SFMBT2: variants seen among roughly 807,000 people sequenced by gnomAD.
SFMBT2 encodes the protein scm-like with four MBT domains protein 2.
SFMBT2 carries 38 observed loss-of-function variants against 110.1 expected under a neutral mutation model. That is an observed-to-expected ratio of 0.35 (90% CI 0.27 to 0.45). The LOEUF (loss-of-function observed/expected upper bound fraction) is 0.45. Among genes scored for constraint, SFMBT2 ranks in the 20% least tolerant of loss-of-function variants. The probability of loss-of-function intolerance (pLI) is 1.00; values close to 1 mark genes in which losing one functional copy is unlikely to be tolerated. For synonymous variants in SFMBT2, 425 were observed against 425.4 expected (o/e 1.00, Z 0.01); for missense variants, 1,011 against 1,094.9 (o/e 0.92, Z 1.08).
At chr10:7,354,073 C>T (rs968965555) in intron 4 of SFMBT2, among the ~76,000 whole-genome samples, 5 of 145,670 alleles carry the variant, frequency 3.4e-5, no homozygotes, top group South Asian at 2.1e-4. Context: ...GGTGACAGAG[C>T]GAGACTCCCT....
At chr10:7,164,681 T>C (rs1314688529) in intron 20 of SFMBT2, among the ~76,000 whole-genome samples, 1 of 151,122 alleles carries the variant, frequency 6.6e-6, no homozygotes, top group East Asian at 2.0e-4. Flanking sequence ...CATTTCACCA[T>C]TAGGATGGGT....
At chr10:7,391,662 G>C (rs1422508671) in intron 1 of SFMBT2, among the ~76,000 whole-genome samples, 2 of 152,022 alleles carry the variant, frequency 1.3e-5, no homozygotes, top group South Asian at 2.1e-4. Context: ...ACATGCTCTT[G>C]GTAGAAATCT....
chr10:7,313,720 G>C (rs1047751801), intron 4 of SFMBT2, among the ~76,000 whole-genome samples: 1 of 152,158 alleles, frequency 6.6e-6, no homozygotes, highest in Admixed American at 6.5e-5. Context: ...CTTGGCTTGA[G>C]TGATCCTCTC....
At chr10:7,404,125 T>C (rs1030678110) in intron 1 of SFMBT2, among the ~76,000 whole-genome samples, 3 of 152,202 alleles carry the variant, frequency 2.0e-5, no homozygotes, top group Non-Finnish European at 2.9e-5. Context: ...TCTAAAAATA[T>C]TTTTAAAATA....
intron 4 of SFMBT2, among the ~76,000 whole-genome samples, chr10:7,326,817 T>G (rs910524650): frequency 1.3e-5 from 2 of 152,204 alleles, no homozygotes; most frequent in Non-Finnish European, 2.9e-5. Context: ...GTCAAGCCTT[T>G]GTTTCCTGGT....
chr10:7,284,033 T>C lies in SFMBT2; in HGVS notation c.643A>G (p.Arg215Gly). Residue 215 changes from arginine (R) to glycine (G), a missense_variant, in exon 6 of 21, where the codon AGA (arginine) becomes GGA (glycine). This residue lies in a region of SFMBT2 where 979 missense variants were observed against 1,016.1 expected (regional missense o/e 0.96). Coordinates refer to ENST00000397167, the MANE Select transcript of SFMBT2 (RefSeq NM_001387889.1). ...AATCCCACATAGCGAAGGCGTAATC[T>C]TCCTCCAACATTTTCAATCACACTA... ...IVSVIENVGG[R>G]LRLRYVGLED... 1 of 1,614,172 alleles carries C rather than the reference T, an allele frequency of 6.2e-7. No individual in the cohort carries two copies. Among genetic ancestry groups the C allele is most frequent in the Non-Finnish European group, 8.5e-7 (1 of 1,180,028 alleles).
chr10:7,325,116 C>T (rs1020157665), intron 4 of SFMBT2, among the ~76,000 whole-genome samples: 2 of 151,772 alleles, frequency 1.3e-5, no homozygotes, highest in African/African-American at 2.4e-5. Flanking sequence ...TACAGGTGCC[C>T]GCCACCACGT....
chr10:7,405,960 T>G (rs1364803180), intron 1 of SFMBT2, among the ~76,000 whole-genome samples: 1 of 151,868 alleles, frequency 6.6e-6, no homozygotes, highest in African/African-American at 2.4e-5. Context: ...TTTTTTTTTT[T>G]TAATTTGTAT....
chr10:7,314,895 GAGAA>G (rs1451924047), intron 4 of SFMBT2, among the ~76,000 whole-genome samples: 1 of 150,956 alleles, frequency 6.6e-6, no homozygotes, highest in African/African-American at 2.4e-5. Flanking sequence ...GCAACAGAGT[GAGAA>G]AGAGAGAAAG....
intron 4 of SFMBT2, among the ~76,000 whole-genome samples, chr10:7,365,932 T>C (rs1844882549): frequency 6.6e-6 from 1 of 152,184 alleles, no homozygotes; most frequent in Non-Finnish European, 1.5e-5. Context: ...ATCACTGAAC[T>C]GTACACTTTA....
intron 17 of SFMBT2, among the ~76,000 whole-genome samples, chr10:7,174,895 G>A (rs985596197): frequency 6.6e-5 from 10 of 152,260 alleles, no homozygotes; most frequent in African/African-American, 2.4e-4. Flanking sequence ...TGTGTGATCA[G>A]TGAGGGCACA....
chr10:7,284,245 T>A, intron 5 of SFMBT2, 95 bp from the exon 6 acceptor site: 2 of 1,534,572 alleles, frequency 1.3e-6, no homozygotes, highest in Non-Finnish European at 1.7e-6. Flanking sequence ...TTTCACACCA[T>A]CATCCAAGGT....
intron 1 of SFMBT2, among the ~76,000 whole-genome samples, chr10:7,387,187 T>C (rs902642752): frequency 7.9e-5 from 12 of 152,218 alleles, no homozygotes; most frequent in Non-Finnish European, 1.6e-4. Context: ...CTCCTAGGCA[T>C]GGAGCATTTT....
In SFMBT2 at chr10:7,367,610, G is replaced by A; in HGVS notation, c.436+39C>T. On this transcript the variant is annotated intron_variant, in intron 4 of 20. Transcript: ENST00000397167. This position sits in a 1 kb window ranked among gnomAD's most constrained non-coding sequence, Gnocchi z 6.2. ...CAAAATTACAGGCGTCATGAAGGAT[G>A]GCGGCTCGTAAATCGAAGCCTTTGA... 6.3e-7 allele frequency: 1 copy of A among 1,589,730 alleles called. No homozygotes were observed. The highest frequency in any genetic ancestry group is 8.6e-7 in the Non-Finnish European group (1 of 1,167,072).
chr10:7,204,314 G>A, intron 12 of SFMBT2: 1 of 983,624 alleles, frequency 1.0e-6, no homozygotes, highest in Non-Finnish European at 1.2e-6. Context: ...GCTATGCAAT[G>A]GAACTGTGTT....
chr10:7,334,410 C>G (rs1055441930), intron 4 of SFMBT2, among the ~76,000 whole-genome samples: 3 of 152,154 alleles, frequency 2.0e-5, no homozygotes, highest in Non-Finnish European at 4.4e-5. Context: ...TCACAGCTAA[C>G]GAAACCTCTT....
chr10:7,386,198 G>T (rs181320782), intron 1 of SFMBT2, among the ~76,000 whole-genome samples: 2 of 152,280 alleles, frequency 1.3e-5, no homozygotes, highest in Non-Finnish European at 2.9e-5. Flanking sequence ...TATTTTGTGG[G>T]TATGTGATTA....
At chr10:7,315,061 A>AAAGAAAGC (rs1564435473) in intron 4 of SFMBT2, among the ~76,000 whole-genome samples, 2 of 139,854 alleles carry the variant, frequency 1.4e-5, no homozygotes. Flanking sequence ...AGAAAGAAAG[A>AAAGAAAGC]AAGAAAGAAA....
At chr10:7,264,272 A>C in intron 7 of SFMBT2, 1 of 235,924 alleles carries the variant, frequency 4.2e-6, no homozygotes, top group Non-Finnish European at 6.9e-6. Context: ...ACCAGACTCA[A>C]TGCAGTGCAC....
Sources: gnomAD v4.1 joint callset for allele counts (sites outside exome capture counted in the v4.1 genomes callset) on GRCh38, gnomAD v4.1.1 for gene constraint, gnomAD v4.1.1 regional missense constraint, Gnocchi (gnomAD v3.1) non-coding constraint, MANE v1.5 for transcripts, NCBI Gene and HGNC (gene_info 2026-07-23, HGNC 2026-07-21) for gene names.